The following STX3 variants were observed in gnomAD, a reference collection of about 807,000 sequenced individuals.
STX3 encodes syntaxin-3.
STX3 carries 19 observed loss-of-function variants against 40.2 expected under a neutral mutation model. The ratio of observed to expected loss-of-function variants is 0.47; its 90% CI spans 0.33 to 0.69. STX3 has a LOEUF of 0.69. STX3 is among the 30% of genes least tolerant of loss of function. The pLI, the probability that STX3 is intolerant of heterozygous loss-of-function variation, is 0.02. For synonymous variants in STX3, 122 were observed against 132.2 expected, an observed-to-expected ratio of 0.92 and a Z score of 0.53; for missense variants, 364 against 366.7, an observed-to-expected ratio of 0.99 and a Z score of 0.06.
intron 1 of STX3, among the ~76,000 whole-genome samples, chr11:59,761,510 T>A (rs1433630000): frequency 1.3e-5 from 2 of 152,202 alleles, no homozygotes; most frequent in African/African-American, 2.4e-5. Context: ...CCTGTAAAGC[T>A]GTAAACCAAA....
intron 6 of STX3, among the ~76,000 whole-genome samples, 196 bp downstream of exon 6, chr11:59,792,411 A>T (rs1026109656): frequency 1.3e-5 from 2 of 152,152 alleles, no homozygotes; most frequent in Admixed American, 1.3e-4. Flanking sequence ...GGCCCAAGTA[A>T]TTTTATTGTA....
chr11:59,769,664 T>C (rs1406116574), intron 1 of STX3, among the ~76,000 whole-genome samples: 1 of 152,164 alleles, frequency 6.6e-6, no homozygotes, highest in African/African-American at 2.4e-5. Context: ...ACTAGGGGTC[T>C]CAAGAACTTA....
At chr11:59,759,608 G>A (rs78555661) in intron 1 of STX3, among the ~76,000 whole-genome samples, 91 of 152,326 alleles carry the variant, frequency 6.0e-4, no homozygotes, top group African/African-American at 2.1e-3. Flanking sequence ...AGACGGATCT[G>A]TAGAGGACTG....
intron 4 of STX3, 77 bp downstream of exon 4, chr11:59,789,024 C>T (rs1483684007): frequency 3.1e-6 from 4 of 1,307,542 alleles, no homozygotes; most frequent in Admixed American, 2.1e-5. Flanking sequence ...GCTTTCCGAA[C>T]TGAAACTCCT....
chr11:59,776,827 C>G (rs1009460489), intron 2 of STX3, among the ~76,000 whole-genome samples: 2 of 152,170 alleles, frequency 1.3e-5, no homozygotes, highest in African/African-American at 2.4e-5. Context: ...TTTGGCTGAT[C>G]AAGCCAGAGC....
intron 5 of STX3, among the ~76,000 whole-genome samples, chr11:59,791,602 T>G (rs17154175): frequency 0.1 from 15,799 of 152,148 alleles, 1,154 homozygotes; most frequent in African/African-American, 0.2. Flanking sequence ...AAGTAGGGCT[T>G]GATGCTGAGA....
At chr11:59,790,929 A>G (rs1191473478) in intron 5 of STX3, among the ~76,000 whole-genome samples, 1 of 152,194 alleles carries the variant, frequency 6.6e-6, no homozygotes, top group Non-Finnish European at 1.5e-5. Flanking sequence ...TAGGCACTTT[A>G]GGGGTCATCA....
chr11:59,768,133 A>G (rs909805630), intron 1 of STX3, among the ~76,000 whole-genome samples: 1 of 152,206 alleles, frequency 6.6e-6, no homozygotes, highest in Non-Finnish European at 1.5e-5. Flanking sequence ...AGAAGGAGGC[A>G]GGGAAGAGGG....
chr11:59,776,519 C>T (rs1863973246), intron 2 of STX3, among the ~76,000 whole-genome samples: 1 of 152,052 alleles, frequency 6.6e-6, no homozygotes, highest in African/African-American at 2.4e-5. Flanking sequence ...AGAGATTGTC[C>T]CCCTCTATGT....
chr11:59,757,195 G>A (rs900932700), intron 1 of STX3, among the ~76,000 whole-genome samples: 20 of 152,220 alleles, frequency 1.3e-4, no homozygotes, highest in African/African-American at 4.1e-4. Flanking sequence ...GCCGGCCAGG[G>A]CACCACCAGG....
intron 1 of STX3, among the ~76,000 whole-genome samples, chr11:59,756,404 A>G (rs1004286464): frequency 1.3e-5 from 2 of 152,198 alleles, no homozygotes; most frequent in Non-Finnish European, 2.9e-5. Flanking sequence ...TAAGCCAGAT[A>G]TTCATTGACT....
Position 59,790,532 on chromosome 11 carries a change from T to C in STX3, c.303T>C (p.His101=), listed in dbSNP as rs79259751. The C allele has an allele frequency of 7.7e-5, 124 of 1,613,844 alleles. No individual in the cohort carries two copies. The East Asian group carries it at 2.7e-3, about 35-fold the overall frequency. The change falls in exon 5 of 11, where the codon CAT becomes CAC. Residue 101 remains histidine (H), a synonymous_variant. Coordinates refer to ENST00000337979, the MANE Select transcript of STX3 (RefSeq NM_004177.5). ...TCTCCTCTTTAGGCATGGAGAAGCA[T>C]ATTGAAGAAGATGAGGTCAGGTCAT... ...VRNKLKSMEK[H]IEEDEVRSSA... is the part of the protein sequence containing the mutation.
Position 59,801,843 on chromosome 11 carries a change from GA to G in STX3, c.*1020del, listed in dbSNP as rs572213961. 104 of 984,890 alleles carry G rather than the reference GA, an allele frequency of 1.1e-4. No homozygotes were observed. The South Asian group carries it at 4.1e-3, about 39-fold the overall frequency. The allele number at this position is 984,890 out of a possible 1,614,324, so 61.0% of individuals were successfully genotyped here. ...ACCTCAAAAAAAAAAAGCCAACTTT[GA>G]GCTAGGATAAAAATTGGGTAAAGGA... is the stretch of plus-strand genomic sequence containing the variant. On this transcript the variant is annotated 3_prime_UTR_variant, in exon 11 of 11. Coordinates refer to ENST00000337979, the MANE Select transcript of STX3 (RefSeq NM_004177.5).
intron 2 of STX3, among the ~76,000 whole-genome samples, chr11:59,778,777 C>T (rs193255714): frequency 3.2e-4 from 48 of 151,822 alleles, no homozygotes; most frequent in African/African-American, 1.1e-3. Context: ...TTCAGAGCAA[C>T]ACTTTCTAAC....
chr11:59,771,414 G>T (rs538026923), intron 1 of STX3, among the ~76,000 whole-genome samples: 7 of 41,142 alleles, frequency 1.7e-4, no homozygotes, highest in African/African-American at 6.6e-4. Context: ...CCCCCCCCCC[G>T]CCCGCCCACA....
chr11:59,760,420 TTTTG>T (rs1200494913), intron 1 of STX3, among the ~76,000 whole-genome samples: 14 of 151,818 alleles, frequency 9.2e-5, no homozygotes, highest in South Asian at 2.1e-4. Context: ...GGTTTTTTTT[TTTTG>T]TTTGTTTGTT....
chr11:59,787,943 AG>A (rs1864881803), intron 3 of STX3, among the ~76,000 whole-genome samples: 1 of 152,284 alleles, frequency 6.6e-6, no homozygotes, highest in African/African-American at 2.4e-5. Context: ...GGAACACTTT[AG>A]CAGAGCATAT....
intron 2 of STX3, among the ~76,000 whole-genome samples, chr11:59,784,001 C>T (rs140566068): frequency 7.6e-4 from 115 of 152,176 alleles, no homozygotes; most frequent in African/African-American, 2.7e-3. Flanking sequence ...TGGGAAGTCC[C>T]GTAGGCAGGT....
At chr11:59,769,551 T>G (rs1341480118) in intron 1 of STX3, among the ~76,000 whole-genome samples, 2 of 152,324 alleles carry the variant, frequency 1.3e-5, no homozygotes, top group Middle Eastern at 3.4e-3. Context: ...GGTTTCTCTT[T>G]GCCCGTTTCA....
Sources: allele counts gnomAD v4.1 joint callset (sites outside exome capture counted in the v4.1 genomes callset), GRCh38; gene constraint gnomAD v4.1.1; transcripts MANE v1.5; gene names NCBI Gene and HGNC (gene_info 2026-07-23, HGNC 2026-07-21).